The following TMEM117 variants were observed in gnomAD, a reference collection of about 807,000 sequenced individuals.
The protein encoded by TMEM117 is transmembrane protein 117.
In TMEM117, 27 loss-of-function variants were observed where a neutral mutation model predicts 52.4. The observed-to-expected ratio is 0.51, with a 90% CI of 0.38 to 0.71. The LOEUF (loss-of-function observed/expected upper bound fraction) is 0.71. TMEM117 is among the 30% of genes least tolerant of loss of function. The pLI is 0.00. For missense variants in TMEM117, 556 were observed against 630.5 expected (o/e 0.88, Z 1.26); for synonymous variants, 215 against 206.3 (o/e 1.04, Z -0.36).
chr12:44,312,939 G>A (rs1951009905), intron 6 of TMEM117, among the ~76,000 whole-genome samples: 1 of 151,858 alleles, frequency 6.6e-6, no homozygotes, highest in Non-Finnish European at 1.5e-5. Flanking sequence ...ATGTTCTTTT[G>A]CCCACTTTTA....
intron 5 of TMEM117, 96 bp downstream of exon 5, chr12:44,211,483 T>A: frequency 1.3e-6 from 1 of 792,582 alleles, no homozygotes; most frequent in Non-Finnish European, 2.0e-6. Context: ...GAATTCTATC[T>A]AGAGGGACAT....
intron 6 of TMEM117, among the ~76,000 whole-genome samples, chr12:44,321,760 A>G (rs1951133065): frequency 6.6e-6 from 1 of 152,226 alleles, no homozygotes; most frequent in Admixed American, 6.5e-5. Flanking sequence ...TTATTAATTT[A>G]GAAAAATAAC....
chr12:44,147,803 A>G (rs1948665679), intron 4 of TMEM117, among the ~76,000 whole-genome samples: 1 of 151,958 alleles, frequency 6.6e-6, no homozygotes, highest in Admixed American at 6.6e-5. Flanking sequence ...ATAGTGGCAC[A>G]TGCCTGCAAT....
intron 3 of TMEM117, among the ~76,000 whole-genome samples, chr12:44,058,022 C>G (rs1202962982): frequency 6.6e-6 from 1 of 152,124 alleles, no homozygotes; most frequent in Non-Finnish European, 1.5e-5. Context: ...TGAATTATTG[C>G]TGAAGCATTT....
chr12:44,361,376 T>C (rs747989418), intron 6 of TMEM117, among the ~76,000 whole-genome samples: 19 of 152,160 alleles, frequency 1.2e-4, no homozygotes, highest in Non-Finnish European at 2.6e-4. Context: ...TATTCCCCAA[T>C]GGGTCCATAG....
chr12:43,975,908 A>G (rs1388940937), intron 3 of TMEM117, among the ~76,000 whole-genome samples: 1 of 152,124 alleles, frequency 6.6e-6, no homozygotes, highest in Non-Finnish European at 1.5e-5. Flanking sequence ...TAGCTGGATG[A>G]CCCTCCACAG....
intron 4 of TMEM117, among the ~76,000 whole-genome samples, chr12:44,160,594 A>G (rs560629021): frequency 2.0e-5 from 3 of 152,238 alleles, no homozygotes; most frequent in Middle Eastern, 3.4e-3. Context: ...GCTTGAAGCC[A>G]GGAGTTTGAA....
intron 3 of TMEM117, among the ~76,000 whole-genome samples, chr12:44,115,092 G>C (rs1018876925): frequency 6.6e-6 from 1 of 152,158 alleles, no homozygotes; most frequent in Non-Finnish European, 1.5e-5. Context: ...TGCGTCATCT[G>C]TTCCTCCTTC....
chr12:44,040,402 G>A (rs570346639), intron 3 of TMEM117, among the ~76,000 whole-genome samples: 41 of 152,114 alleles, frequency 2.7e-4, no homozygotes, highest in Middle Eastern at 6.8e-3. Context: ...GTTTTTGTGC[G>A]ACTGTTATAA....
At chr12:44,326,101 T>C (rs1217922683) in intron 6 of TMEM117, among the ~76,000 whole-genome samples, 1 of 152,156 alleles carries the variant, frequency 6.6e-6, no homozygotes, top group Admixed American at 6.5e-5. Flanking sequence ...AGGCAGAGGT[T>C]GCAGTGAGCC....
At chr12:44,192,420 T>A (rs1467440423) in intron 4 of TMEM117, among the ~76,000 whole-genome samples, 1 of 152,196 alleles carries the variant, frequency 6.6e-6, no homozygotes, top group Non-Finnish European at 1.5e-5. Flanking sequence ...CTAATTTGGC[T>A]GCAGTGCTAA....
At chr12:44,202,947 C>T (rs1395384611) in intron 4 of TMEM117, among the ~76,000 whole-genome samples, 1 of 151,926 alleles carries the variant, frequency 6.6e-6, no homozygotes, top group Non-Finnish European at 1.5e-5. Flanking sequence ...TACCACCACG[C>T]CTGGATTTTT....
At chr12:44,114,396 G>T (rs1948097879) in intron 3 of TMEM117, among the ~76,000 whole-genome samples, 1 of 152,136 alleles carries the variant, frequency 6.6e-6, no homozygotes, top group Admixed American at 6.5e-5. Flanking sequence ...AAATTAAGGT[G>T]CTCACCTCTG....
intron 4 of TMEM117, among the ~76,000 whole-genome samples, chr12:44,152,369 CAT>C (rs1176442795): frequency 1.0e-5 from 1 of 98,984 alleles, no homozygotes; most frequent in Non-Finnish European, 1.8e-5. Context: ...TGTATTATAT[CAT>C]ATATAAATTT....
At chr12:43,838,796 G>T (rs187543291) in intron 1 of TMEM117, among the ~76,000 whole-genome samples, 1 of 151,862 alleles carries the variant, frequency 6.6e-6, no homozygotes, top group African/African-American at 2.4e-5. Flanking sequence ...GTAGCTTTAT[G>T]ACCCTGGACA....
intron 6 of TMEM117, among the ~76,000 whole-genome samples, chr12:44,354,182 G>A (rs1951608864): frequency 6.6e-6 from 1 of 152,110 alleles, no homozygotes; most frequent in African/African-American, 2.4e-5. Flanking sequence ...ATCAGCTGAA[G>A]GAGATTTTGG....
At chr12:43,866,410 C>CAA (rs1194302841) in intron 2 of TMEM117, among the ~76,000 whole-genome samples, 17 of 107,130 alleles carry the variant, frequency 1.6e-4, no homozygotes, top group African/African-American at 4.8e-4. Flanking sequence ...TCATCGCTAC[C>CAA]AAAAAAAAAA....
chr12:44,163,076 A>G (rs17094169), intron 4 of TMEM117, among the ~76,000 whole-genome samples: 18,778 of 152,214 alleles, frequency 0.12, 1,388 homozygotes, highest in Middle Eastern at 0.2. Context: ...CCATTTGAAG[A>G]AATTGAGCTA....
At chr12:44,256,592 G>T (rs889669485) in intron 5 of TMEM117, among the ~76,000 whole-genome samples, 1 of 151,926 alleles carries the variant, frequency 6.6e-6, no homozygotes, top group African/African-American at 2.4e-5. Flanking sequence ...GCATTCTTGA[G>T]TTTTATGATG....
Sources: allele counts gnomAD v4.1 joint callset (sites outside exome capture counted in the v4.1 genomes callset), GRCh38; gene constraint gnomAD v4.1.1; transcripts MANE v1.5; gene names NCBI Gene and HGNC (gene_info 2026-07-23, HGNC 2026-07-21).